The following LGALS2 variants were observed in gnomAD, a reference collection of about 807,000 sequenced individuals.
The protein encoded by LGALS2 is galectin-2.
In LGALS2, 7 loss-of-function variants were observed where a neutral mutation model predicts 10.1. The observed-to-expected ratio is 0.70, with a 90% CI of 0.40 to 1.31. The LOEUF is 1.31. Among genes scored for constraint, LGALS2 ranks in the 50% most tolerant of loss-of-function variants. LGALS2 has a pLI of 0.01. For synonymous variants in LGALS2, 86 were observed against 64.2 expected (o/e 1.34, Z -1.63); for missense variants, 167 against 163.6 (o/e 1.02, Z -0.11).
At chr22:37,577,066 T>G (rs1373784201) in intron 1 of LGALS2, among the ~76,000 whole-genome samples, 1 of 152,166 alleles carries the variant, frequency 6.6e-6, no homozygotes, top group Non-Finnish European at 1.5e-5. Context: ...TGGGGCCAGC[T>G]TAGCCCCTTT....
At position 37,579,983 on chromosome 22, in the gene LGALS2, A is replaced by C. The variant is rs1925802426; in HGVS notation, c.-78T>G. ...GGTCTCAACTCGTGGTCAAGCTTAT[A>C]TCCTAGAATATTACACATTAACTCC... On this transcript the variant is annotated 5_prime_UTR_variant, in exon 1 of 4. Transcript: ENST00000215886. 62 of 1,501,890 alleles carry C rather than the reference A, an allele frequency of 4.1e-5. No homozygotes were observed. Among genetic ancestry groups the C allele is most frequent in the Non-Finnish European group, 5.5e-5 (60 of 1,085,516 alleles). 93.0% of individuals were successfully genotyped at this position (1,501,890 alleles called of 1,614,324 possible).
At chr22:37,575,526 T>C (rs759875180) in intron 1 of LGALS2, among the ~76,000 whole-genome samples, 26 of 152,036 alleles carry the variant, frequency 1.7e-4, no homozygotes, top group Non-Finnish European at 3.7e-4. Context: ...AGTGATATGA[T>C]CAGAGCTCAC....
At chr22:37,577,541 T>TTTC (rs1248849248) in intron 1 of LGALS2, among the ~76,000 whole-genome samples, 2 of 151,058 alleles carry the variant, frequency 1.3e-5, no homozygotes, top group Admixed American at 1.3e-4. Flanking sequence ...TCTTCTTCTT[T>TTTC]TTTGTTTTTG....
chr22:37,579,807 G>A, intron 1 of LGALS2, 93 bp downstream of exon 1: 1 of 1,343,248 alleles, frequency 7.4e-7, no homozygotes, highest in South Asian at 1.3e-5. Context: ...GAGGCCCAGA[G>A]AGGGACAGCA....
At chr22:37,573,149 T>C (rs1181986800) in intron 1 of LGALS2, among the ~76,000 whole-genome samples, 1 of 151,998 alleles carries the variant, frequency 6.6e-6, no homozygotes, top group Non-Finnish European at 1.5e-5. Context: ...CACGCATCTA[T>C]AGTCCCAGCT....
intron 1 of LGALS2, among the ~76,000 whole-genome samples, chr22:37,575,205 T>TTC (rs781307086): frequency 7.4e-4 from 108 of 145,500 alleles, no homozygotes; most frequent in Non-Finnish European, 1.2e-3. Flanking sequence ...TTTTCTTTCT[T>TTC]TTTTTTTTTT....
intron 1 of LGALS2, among the ~76,000 whole-genome samples, chr22:37,574,641 G>T (rs533260957): frequency 6.6e-6 from 1 of 152,232 alleles, no homozygotes; most frequent in Non-Finnish European, 1.5e-5. Context: ...CATTGTGGGA[G>T]TTCTGCTCAC....
At chr22:37,570,510 A>G in intron 3 of LGALS2, 66 bp downstream of exon 3, 3 of 1,609,244 alleles carry the variant, frequency 1.9e-6, no homozygotes, top group Non-Finnish European at 2.5e-6. Flanking sequence ...TGTCCAGGCC[A>G]GGCTCTCTTC....
At chr22:37,578,567 G>C (rs1256894001) in intron 1 of LGALS2, 1 of 152,228 alleles carries the variant, frequency 6.6e-6, no homozygotes, top group African/African-American at 2.4e-5. Context: ...TGTAATCTCA[G>C]CACTTCGAGA....
intron 1 of LGALS2, among the ~76,000 whole-genome samples, chr22:37,579,622 C>T (rs565774787): frequency 1.6e-4 from 25 of 152,056 alleles, no homozygotes; most frequent in Admixed American, 7.2e-4. Context: ...TTAGTAGAGA[C>T]GGGGTTTCTC....
chr22:37,574,801 G>A (rs4821669), intron 1 of LGALS2, among the ~76,000 whole-genome samples: 76,721 of 151,752 alleles, frequency 0.51, 20,453 homozygotes, highest in Non-Finnish European at 0.59. Context: ...TGCAGAGGAG[G>A]AAGTGACCCG....
rs71195028 is a variant in LGALS2, at chr22:37,579,263, A to AAAAAAAAAAG, written c.6+636_6+637insCTTTTTTTTT. Among the ~76,000 whole-genome samples the AAAAAAAAAAG allele has an allele frequency of 5.8e-4, 70 of 121,310 alleles. 2 individuals are homozygous for AAAAAAAAAAG. Among genetic ancestry groups the AAAAAAAAAAG allele is most frequent in the Admixed American group, 1.2e-3 (12 of 10,222 alleles). The allele number at this position is 121,310 out of a possible 152,430, so 79.6% of individuals were successfully genotyped here. ...ACTCCATCTCAAAAAAAAAAAAAAA[A>AAAAAAAAAAG]AGAGAAAGAAAAGAAACAAACAAAA... On this transcript the variant is annotated intron_variant, in intron 1 of 3. Transcript: ENST00000215886.
chr22:37,574,901 G>C (rs1446796153), intron 1 of LGALS2, among the ~76,000 whole-genome samples: 1 of 139,556 alleles, frequency 7.2e-6, no homozygotes, highest in East Asian at 2.1e-4. Flanking sequence ...TTGAGATGTT[G>C]AGATGGAGTC....
chr22:37,571,279 C>T (rs1925489687), intron 2 of LGALS2, among the ~76,000 whole-genome samples: 1 of 152,188 alleles, frequency 6.6e-6, no homozygotes, highest in Admixed American at 6.5e-5. Context: ...CCCTTAGCTC[C>T]TATGGCATGC....
At chr22:37,576,309 G>T (rs999162964) in intron 1 of LGALS2, among the ~76,000 whole-genome samples, 3 of 151,794 alleles carry the variant, frequency 2.0e-5, no homozygotes, top group Admixed American at 6.6e-5. Context: ...AAAATTAGCC[G>T]GGCGTGGTGG....
At position 37,579,898 on chromosome 22, in the gene LGALS2, A is replaced by G. The variant is rs777187092; in HGVS notation, c.6+2T>C. 2 of 1,610,418 alleles carry G rather than the reference A, an allele frequency of 1.2e-6. No individual in the cohort carries two copies. Among genetic ancestry groups the G allele is most frequent in the Non-Finnish European group, 1.7e-6 (2 of 1,179,024 alleles). ...CAGGCAGCAGGGGGCTAGTGTCCTC[A>G]CCGTCATGGTGACAGCTCCTGGCGG... On this transcript the variant is annotated splice_donor_variant, in intron 1 of 3. Coordinates refer to ENST00000215886, the MANE Select transcript of LGALS2 (RefSeq NM_006498.3). LOFTEE classifies it high-confidence loss of function.
Position 37,571,850 on chromosome 22 carries a change from C to T in LGALS2, c.88G>A (p.Gly30Ser), listed in dbSNP as rs780996845. Residue 30 changes from glycine to serine, a missense_variant and splice_region_variant, in exon 2 of 4, where the codon GGC becomes AGC. Gly to Ser is a moderately conservative substitution (Grantham distance 56). Coordinates refer to ENST00000215886, the MANE Select transcript of LGALS2 (RefSeq NM_006498.3). ...ITGSIADGTD[G>S]FVINLGQGTD... ...CCCCAACCCTGAAACCTTGCTCACC[C>T]ATCAGTGCCATCGGCGATGCTGCCT... 5 of 1,613,810 alleles carry T rather than the reference C, an allele frequency of 3.1e-6. No homozygotes were observed. The highest frequency in any genetic ancestry group is 4.2e-6 in the Non-Finnish European group (5 of 1,179,674).
In LGALS2 at chr22:37,570,701, G is replaced by A; in HGVS notation, c.124C>T (p.Leu42=). 2 of 1,614,256 alleles carry A rather than the reference G, an allele frequency of 1.2e-6. No individual in the cohort carries two copies. The highest frequency in any genetic ancestry group is 1.7e-6 in the Non-Finnish European group (2 of 1,180,050). Residue 42 remains leucine, a synonymous_variant, in exon 3 of 4, where the codon CTG becomes TTG. Coordinates refer to ENST00000215886, the MANE Select transcript of LGALS2 (RefSeq NM_006498.3). ...AAGCGAGGGTTGAAATGCAGGTTCA[G>A]CTTGTCTGTCCCCTGGCCCAGATTA... ...VINLGQGTDK[L]NLHFNPRFSE...
intron 1 of LGALS2, among the ~76,000 whole-genome samples, chr22:37,577,770 C>T (rs1925733305): frequency 6.6e-6 from 1 of 152,138 alleles, no homozygotes; most frequent in African/African-American, 2.4e-5. Flanking sequence ...TCCAATACGA[C>T]CAGTGTTCTC....
Sources: gnomAD v4.1 joint callset for allele counts (sites outside exome capture counted in the v4.1 genomes callset) on GRCh38, gnomAD v4.1.1 for gene constraint, MANE v1.5 for transcripts, NCBI Gene and HGNC (gene_info 2026-07-23, HGNC 2026-07-21) for gene names.